The following GALNT17 variants were observed in gnomAD, a reference collection of about 807,000 sequenced individuals.
The protein encoded by GALNT17 is UDP-GalNAc:polypeptide N-acetylgalactosaminyltransferase-like 3.
Under a neutral mutation model 63.7 loss-of-function variants are expected in GALNT17, and 29 were observed. The ratio of observed to expected loss-of-function variants is 0.46; its 90% confidence interval spans 0.34 to 0.62. The LOEUF is 0.62. GALNT17 is among the 20% of genes least tolerant of loss of function. The pLI is 0.01. For missense variants in GALNT17, 603 were observed against 799.6 expected, an observed-to-expected ratio of 0.75 and a Z score of 2.97; for synonymous variants, 305 against 318.3, an observed-to-expected ratio of 0.96 and a Z score of 0.45.
chr7:71,486,503 C>T (rs1347363215), intron 5 of GALNT17, among the ~76,000 whole-genome samples: 1 of 151,742 alleles, frequency 6.6e-6, no homozygotes. Context: ...CTTCTCACAA[C>T]AGCAGACAGC....
Position 71,583,021 on chromosome 7 carries a change from CT to C in GALNT17, c.1080+11626del, listed in dbSNP as rs1340667710. Among the ~76,000 whole-genome samples the C allele has an allele frequency of 2.6e-5, 4 of 152,100 alleles. No homozygotes were observed. The South Asian group carries it at 6.2e-4, about 24-fold the overall frequency. On this transcript the variant is annotated intron_variant, in intron 6 of 10. Coordinates refer to ENST00000333538, the MANE Select transcript of GALNT17 (RefSeq NM_022479.3). ...ATTTTAAAAAATTGAAGCCTATCATCTTTTTTTCCCCTCCCGAAATAATTTT... is the reference window on the plus strand; with the variant it reads ...ATTTTAAAAAATTGAAGCCTATCATCTTTTTTCCCCTCCCGAAATAATTTT...
chr7:71,150,486 C>T (rs1328187166), intron 1 of GALNT17, among the ~76,000 whole-genome samples: 1 of 151,592 alleles, frequency 6.6e-6, no homozygotes, highest in African/African-American at 2.4e-5. Context: ...TCCTTCATGC[C>T]TTCTCTCTCT....
chr7:71,459,890 T>C (rs1787422343), intron 5 of GALNT17, among the ~76,000 whole-genome samples: 1 of 152,226 alleles, frequency 6.6e-6, no homozygotes, highest in South Asian at 2.1e-4. Context: ...TGTTTTATTT[T>C]AACATGAACA....
At chr7:71,141,193 C>T (rs1202903355) in intron 1 of GALNT17, among the ~76,000 whole-genome samples, 2 of 151,882 alleles carry the variant, frequency 1.3e-5, no homozygotes, top group African/African-American at 4.8e-5. Context: ...ATGGCGAAAC[C>T]CCATCTCTAC....
In GALNT17 at chr7:71,416,059, G is replaced by T; in HGVS notation, c.760G>T (p.Gly254Cys). 1 of 1,609,730 alleles carries T rather than the reference G, an allele frequency of 6.2e-7. No homozygotes were observed. Reference protein sequence around the residue: ...FFDAHVEFTAGWAEPVLSRIQ... With the variant: ...FFDAHVEFTACWAEPVLSRIQ... ...TGATGCCCACGTGGAATTCACCGCT[G>T]GCTGGTAGGTCATGAGCTGAAACTC... The change falls in exon 4 of 11, where the codon GGC becomes TGC. Residue 254 changes from glycine to cysteine, a missense_variant. Physicochemically the swap from Gly to Cys is radical, Grantham distance 159 (BLOSUM62 -3). This residue lies in a region of GALNT17 where 336 missense variants were observed against 507.8 expected (regional missense o/e 0.66). Transcript: ENST00000333538.
chr7:71,696,330 C>G (rs564049182), intron 9 of GALNT17, among the ~76,000 whole-genome samples: 4 of 152,248 alleles, frequency 2.6e-5, no homozygotes, highest in African/African-American at 9.6e-5. Context: ...CCAGGCTGGT[C>G]TTGAACTCCT....
chr7:71,564,278 C>CTTTTTTTTTTTTTTT (rs10539122), intron 5 of GALNT17, among the ~76,000 whole-genome samples: 3 of 98,012 alleles, frequency 3.1e-5, no homozygotes, highest in Non-Finnish European at 3.8e-5. Flanking sequence ...CTTTTCTTTT[C>CTTTTTTTTTTTTTTT]TTTTTTTTTT....
At chr7:71,248,461 G>A (rs937158741) in intron 1 of GALNT17, among the ~76,000 whole-genome samples, 5 of 152,156 alleles carry the variant, frequency 3.3e-5, no homozygotes, top group Non-Finnish European at 7.3e-5. Context: ...GTTATTAAGG[G>A]TCAACTGTAC....
rs796357839 is a variant in GALNT17 at position 71,461,581 on chromosome 7, A to G, written c.962+40476A>G. Among the ~76,000 whole-genome samples, 36 of 152,342 alleles carry G rather than the reference A, an allele frequency of 2.4e-4. 1 individual carries two copies. The highest frequency in any genetic ancestry group is 8.2e-4 in the African/African-American group (34 of 41,586). On this transcript the variant is annotated intron_variant, in intron 5 of 10. Transcript: ENST00000333538. Reference sequence around the variant, plus strand: ...GGCTGTGGTTTTCTTTCCTGTGCACATTAATTCAATGTCCTTTTTACTCAG... The same window carrying G: ...GGCTGTGGTTTTCTTTCCTGTGCACGTTAATTCAATGTCCTTTTTACTCAG...
intron 5 of GALNT17, among the ~76,000 whole-genome samples, chr7:71,446,436 T>C (rs932443977): frequency 1.8e-4 from 28 of 152,232 alleles, no homozygotes; most frequent in African/African-American, 6.3e-4. Flanking sequence ...TTTTTACTCC[T>C]ACAAATAATG....
In GALNT17 at chr7:71,132,974, C is replaced by A; in HGVS notation, c.172C>A (p.Pro58Thr). Residue 58 changes from proline to threonine, a missense_variant, in exon 1 of 11, where the codon CCC becomes ACC. Transcript: ENST00000333538. ...VANLSAHSASPIQDAVLKRLS... is the reference protein window; with the variant it reads ...VANLSAHSASTIQDAVLKRLS... ...CAACCTCAGCGCGCACAGCGCCAGC[C>A]CCATCCAGGATGCGGTCCTGAAGCG... 1 of 1,609,354 alleles carries A rather than the reference C, an allele frequency of 6.2e-7. No homozygotes were observed. Among genetic ancestry groups the A allele is most frequent in the Admixed American group, 1.7e-5 (1 of 59,910 alleles).
rs1009203108 is a variant in GALNT17, at chr7:71,685,575, G to A, written c.1500+8269G>A. 4 of 152,156 alleles carry A rather than the reference G, an allele frequency of 2.6e-5. No individual in the cohort carries two copies. The East Asian group carries it at 5.8e-4, about 22-fold the overall frequency. The allele number at this position is 152,156 out of a possible 1,614,324, so 9.4% of individuals were successfully genotyped here. A position where few individuals can be genotyped will look rare whatever the true frequency, so the allele number is the denominator to read the frequency against. On this transcript the variant is annotated intron_variant, in intron 9 of 10. Transcript: ENST00000333538. ...CTCGTATACCCTTGACCAAAGACTG[G>A]TCTTCCTCTATTGGGGATGGTCATC...
intron 2 of GALNT17, among the ~76,000 whole-genome samples, chr7:71,349,979 C>G (rs1175400734): frequency 6.6e-6 from 1 of 152,190 alleles, no homozygotes; most frequent in Admixed American, 6.5e-5. Context: ...GAGTCTTGGG[C>G]TGTGCGGTAC....
intron 5 of GALNT17, among the ~76,000 whole-genome samples, chr7:71,500,484 C>G (rs1159028179): frequency 6.6e-6 from 1 of 152,118 alleles, no homozygotes; most frequent in African/African-American, 2.4e-5. Flanking sequence ...ACTGGTCTCC[C>G]CAGGTCTCAA....
At chr7:71,467,708 A>C (rs73177423) in intron 5 of GALNT17, among the ~76,000 whole-genome samples, 23,310 of 151,958 alleles carry the variant, frequency 0.15, 1,867 homozygotes, top group Middle Eastern at 0.23. Flanking sequence ...TGGGACTCTG[A>C]GGGCCTGAGA....
chr7:71,164,890 A>T (rs1788409426), intron 1 of GALNT17, among the ~76,000 whole-genome samples: 1 of 152,186 alleles, frequency 6.6e-6, no homozygotes, highest in African/African-American at 2.4e-5. Flanking sequence ...CTCTTTGTGG[A>T]TTTTTGAAGT....
chr7:71,593,648 C>T (rs1055641069), intron 6 of GALNT17, among the ~76,000 whole-genome samples: 4 of 152,120 alleles, frequency 2.6e-5, no homozygotes, highest in African/African-American at 9.7e-5. Flanking sequence ...CAATGGAGAC[C>T]CATATGCAAC....
intron 1 of GALNT17, among the ~76,000 whole-genome samples, chr7:71,324,088 A>G (rs1317633229): frequency 6.6e-6 from 1 of 152,184 alleles, no homozygotes; most frequent in African/African-American, 2.4e-5. Context: ...TAAACAAAGG[A>G]AACAGCAGAG....
intron 1 of GALNT17, among the ~76,000 whole-genome samples, chr7:71,208,777 G>A (rs1789321235): frequency 1.3e-5 from 2 of 151,918 alleles, no homozygotes; most frequent in South Asian, 4.2e-4. Context: ...ATCATATAAT[G>A]TATTAATATT....
Sources: gnomAD v4.1 joint callset for allele counts (sites outside exome capture counted in the v4.1 genomes callset) on GRCh38, gnomAD v4.1.1 for gene constraint, gnomAD v4.1.1 regional missense constraint, MANE v1.5 for transcripts, NCBI Gene and HGNC (gene_info 2026-07-23, HGNC 2026-07-21) for gene names.